The following ZEB1 variants were observed in gnomAD, a reference collection of about 807,000 sequenced individuals.
The protein encoded by ZEB1 is zinc finger E-box-binding homeobox 1.
In ZEB1, 21 loss-of-function variants were observed where a neutral mutation model predicts 84.9. The observed-to-expected ratio is 0.25, with a 90% confidence interval of 0.18 to 0.36. ZEB1 has a LOEUF of 0.36. Among genes scored for constraint, ZEB1 ranks in the 10% least tolerant of loss-of-function variants. The pLI is 1.00. For synonymous variants in ZEB1, 420 were observed against 471.1 expected (o/e 0.89, Z 1.41); for missense variants, 1,104 against 1,330.2 (o/e 0.83, Z 2.65).
At chr10:31,472,373 G>A (rs1402474045) in intron 2 of ZEB1, among the ~76,000 whole-genome samples, 1 of 151,988 alleles carries the variant, frequency 6.6e-6, no homozygotes, top group African/African-American at 2.4e-5. Flanking sequence ...TGATAAAGGG[G>A]ATATCACCAC....
chr10:31,393,402 T>C (rs2050140888), intron 1 of ZEB1, among the ~76,000 whole-genome samples: 1 of 152,196 alleles, frequency 6.6e-6, no homozygotes, highest in South Asian at 2.1e-4. Context: ...TTTCCATGGG[T>C]ATTTCTAACA....
rs1554882634 is a variant in ZEB1 at position 31,458,336 on chromosome 10, T to TGTGTG, written c.59-2701_59-2700insGTGTG. Among the ~76,000 whole-genome samples, 343 of 102,278 alleles carry TGTGTG rather than the reference T, an allele frequency of 3.4e-3. 6 individuals are homozygous for TGTGTG. Among genetic ancestry groups the TGTGTG allele is most frequent in the African/African-American group, 0.026 (315 of 11,968 alleles). The allele number at this position is 102,278 out of a possible 152,430, so 67.1% of individuals were successfully genotyped here. A position where few individuals can be genotyped will look rare whatever the true frequency, so the allele number is the denominator to read the frequency against. On this transcript the variant is annotated intron_variant, in intron 1 of 8. Transcript: ENST00000424869. The stretch of plus-strand genomic sequence containing the variant: ...CCGTGTGTGTGTGTGTGTGTGTGTG[T>TGTGTG]TGTGTGTGTGTGTGTGTGTGTGTGT...
Position 31,521,859 on chromosome 10 carries a change from G to A in ZEB1, c.2527G>A (p.Ala843Thr), listed in dbSNP as rs776885703. The A allele has an allele frequency of 1.2e-6, 2 of 1,613,854 alleles. No individual in the cohort carries two copies. Among genetic ancestry groups the A allele is most frequent in the African/African-American group, 1.3e-5 (1 of 74,894 alleles). ...NKQTILIPQVAYTYSTTVSPA... is the reference protein window; with the variant it reads ...NKQTILIPQVTYTYSTTVSPA... ...GCAAACGATTCTGATTCCCCAGGTG[G>A]CATACACCTACTCAACTACGGTCAG... is the stretch of plus-strand genomic sequence containing the variant. The change falls in exon 7 of 9, where the codon GCA (alanine) becomes ACA (threonine). Residue 843 changes from alanine to threonine, a missense_variant. Physicochemically the swap from Ala to Thr is moderately conservative, Grantham distance 58. This residue lies in a region of ZEB1 where 531 missense variants were observed against 575.2 expected (regional missense o/e 0.92). Transcript: ENST00000424869.
At chr10:31,492,943 CAT>C (rs2066736041) in intron 2 of ZEB1, among the ~76,000 whole-genome samples, 1 of 151,858 alleles carries the variant, frequency 6.6e-6, no homozygotes, top group African/African-American at 2.4e-5. Context: ...TTTATTTTGA[CAT>C]AATAATAGAT....
chr10:31,489,170 ATC>A (rs1257393985), intron 2 of ZEB1, among the ~76,000 whole-genome samples: 1 of 151,266 alleles, frequency 6.6e-6, no homozygotes, highest in African/African-American at 2.4e-5. Context: ...CACATTTAAG[ATC>A]TCTCTGTTTT....
At chr10:31,510,516 C>G (rs540957662) in intron 4 of ZEB1, among the ~76,000 whole-genome samples, 157 bp from the exon 5 acceptor site, 2 of 152,254 alleles carry the variant, frequency 1.3e-5, no homozygotes, top group South Asian at 4.1e-4. Context: ...ACTGTTCTCT[C>G]TCTTATAAAA....
chr10:31,368,848 C>T (rs1021268850), intron 1 of ZEB1, among the ~76,000 whole-genome samples: 7 of 152,146 alleles, frequency 4.6e-5, no homozygotes, highest in African/African-American at 1.7e-4. Flanking sequence ...TTTACCATCA[C>T]TGCCTGTCCA....
At position 31,463,338 on chromosome 10, in the gene ZEB1, CA is replaced by C. The variant is rs557166980; in HGVS notation, c.259+2107del. On this transcript the variant is annotated intron_variant, in intron 2 of 8. Coordinates refer to ENST00000424869, the MANE Select transcript of ZEB1 (RefSeq NM_001174096.2). ...AATGGTGCTAGATTAAAAACAAAAA[CA>C]AAAAACTTCTTAGCACTTCTAAAGA... Among the ~76,000 whole-genome samples the C allele has an allele frequency of 1.2e-4, 19 of 152,148 alleles. No individual in the cohort carries two copies. In the South Asian group the frequency reaches 3.7e-3, roughly 30 times the overall value.
chr10:31,512,137 G>T (rs1049577951), intron 5 of ZEB1, among the ~76,000 whole-genome samples: 1 of 152,068 alleles, frequency 6.6e-6, no homozygotes, highest in African/African-American at 2.4e-5. Flanking sequence ...ATACCTTAGC[G>T]CTGTGATGTG....
At position 31,510,821 on chromosome 10, in the gene ZEB1, A is replaced by G; in HGVS notation, c.633A>G (p.Ala211=). The G allele has an allele frequency of 6.2e-7, 1 of 1,613,996 alleles. No homozygotes were observed. Among genetic ancestry groups the G allele is most frequent in the African/African-American group, 1.3e-5 (1 of 75,066 alleles). ...GCTCCCTGTGCAGTTACACCTTTGC[A>G]TACAGAACCCAACTTGAACGTCACA... ...FSCSLCSYTF[A]YRTQLERHMT... is the part of the protein sequence containing the mutation. Residue 211 remains alanine, a synonymous_variant, in exon 5 of 9, where the codon GCA becomes GCG. Coordinates refer to ENST00000424869, the MANE Select transcript of ZEB1 (RefSeq NM_001174096.2).
At chr10:31,420,766 T>C (rs1054041702) in intron 1 of ZEB1, among the ~76,000 whole-genome samples, 2 of 152,162 alleles carry the variant, frequency 1.3e-5, no homozygotes, top group Non-Finnish European at 2.9e-5. Context: ...CATCTTAGAA[T>C]TGTGGCCACC....
intron 1 of ZEB1, among the ~76,000 whole-genome samples, chr10:31,417,563 G>T (rs2055423940): frequency 6.6e-6 from 1 of 152,018 alleles, no homozygotes; most frequent in Non-Finnish European, 1.5e-5. Context: ...TGTATTTAGT[G>T]CTTCTTCGGT....
intron 2 of ZEB1, among the ~76,000 whole-genome samples, chr10:31,489,531 C>G (rs1316943066): frequency 6.6e-6 from 1 of 150,850 alleles, no homozygotes; most frequent in Non-Finnish European, 1.5e-5. Flanking sequence ...TTGTTTTTCT[C>G]TCTGTATTTT....
At chr10:31,485,524 A>G (rs1408549868) in intron 2 of ZEB1, among the ~76,000 whole-genome samples, 1 of 151,900 alleles carries the variant, frequency 6.6e-6, no homozygotes. Context: ...CTACTTGTGG[A>G]TTGATTAAAT....
chr10:31,458,231 A>C (rs2061452171), intron 1 of ZEB1, among the ~76,000 whole-genome samples: 1 of 152,026 alleles, frequency 6.6e-6, no homozygotes, highest in African/African-American at 2.4e-5. Flanking sequence ...TGACTTTATC[A>C]AGTAGGTTGC....
chr10:31,460,807 C>CAGGT (rs781741880), intron 1 of ZEB1, among the ~76,000 whole-genome samples: 22 of 151,958 alleles, frequency 1.4e-4, no homozygotes, highest in Non-Finnish European at 2.9e-4. Flanking sequence ...ATTTATAAAG[C>CAGGT]AGGTCTATAT....
intron 5 of ZEB1, among the ~76,000 whole-genome samples, chr10:31,513,420 C>CT (rs2070462201): frequency 6.6e-6 from 1 of 152,190 alleles, no homozygotes; most frequent in Non-Finnish European, 1.5e-5. Flanking sequence ...TTTCAGATCT[C>CT]TATCACCTTC....
At chr10:31,389,433 G>C (rs1291981842) in intron 1 of ZEB1, among the ~76,000 whole-genome samples, 1 of 151,986 alleles carries the variant, frequency 6.6e-6, no homozygotes, top group African/African-American at 2.4e-5. Flanking sequence ...TCTTTCATCG[G>C]TATCTGTATG....
intron 2 of ZEB1, among the ~76,000 whole-genome samples, chr10:31,467,769 G>A (rs1564986006): frequency 2.6e-5 from 4 of 152,068 alleles, no homozygotes; most frequent in Admixed American, 6.5e-5. Flanking sequence ...GTGTGGTGTG[G>A]GTTTTTCAGG....
Sources: allele counts gnomAD v4.1 joint callset (sites outside exome capture counted in the v4.1 genomes callset), GRCh38; gene constraint gnomAD v4.1.1; regional missense constraint gnomAD v4.1.1; transcripts MANE v1.5; gene names NCBI Gene and HGNC (gene_info 2026-07-23, HGNC 2026-07-21).